ACYP2: variants seen among roughly 807,000 people sequenced by gnomAD.
The protein encoded by ACYP2 is acylphosphatase 2, also known as acylphosphatase-2.
In ACYP2, 12 loss-of-function variants were observed where a neutral mutation model predicts 11.2. That is an observed-to-expected ratio of 1.08 (90% confidence interval 0.69 to 1.74). ACYP2 has a LOEUF of 1.74. Ranked by LOEUF, ACYP2 falls within the 40% of genes most tolerant of loss-of-function variation. ACYP2 has a pLI of 0.00. For missense variants in ACYP2, 134 were observed against 101.9 expected, an observed-to-expected ratio of 1.31 and a Z score of -1.35; for synonymous variants, 43 against 32.2, an observed-to-expected ratio of 1.33 and a Z score of -1.13.
chr2:54,158,127 G>A (rs1011396740), intron 6 of ACYP2, among the ~76,000 whole-genome samples: 1 of 151,526 alleles, frequency 6.6e-6, no homozygotes, highest in African/African-American at 2.4e-5. Flanking sequence ...CCAGGTTCAA[G>A]CAATTCTCCT....
chr2:54,109,028 G>A (rs1250619280), intron 4 of ACYP2, among the ~76,000 whole-genome samples: 1 of 152,062 alleles, frequency 6.6e-6, no homozygotes, highest in Non-Finnish European at 1.5e-5. Flanking sequence ...GTTCAGATAT[G>A]CTTTAGTGCT....
chr2:54,194,707 G>A (rs577196100), intron 6 of ACYP2, among the ~76,000 whole-genome samples: 1 of 151,736 alleles, frequency 6.6e-6, no homozygotes, highest in Non-Finnish European at 1.5e-5. Context: ...ACTTTCTGTT[G>A]CTTTGTCATG....
At chr2:54,247,457 TCA>T (rs1192165293) in intron 6 of ACYP2, among the ~76,000 whole-genome samples, 1 of 152,180 alleles carries the variant, frequency 6.6e-6, no homozygotes, top group Non-Finnish European at 1.5e-5. Flanking sequence ...AAAATATACT[TCA>T]GTTTTTACAG....
At chr2:54,023,994 A>G (rs1239980749) in intron 2 of ACYP2, among the ~76,000 whole-genome samples, 2 of 152,208 alleles carry the variant, frequency 1.3e-5, no homozygotes, top group East Asian at 1.9e-4. Flanking sequence ...TAACAAAAAA[A>G]GAAAATACAG....
At chr2:54,256,222 A>G in intron 6 of ACYP2, 1 of 1,517,044 alleles carries the variant, frequency 6.6e-7, no homozygotes, top group Non-Finnish European at 8.9e-7. Context: ...TTCCTCACAC[A>G]AAATGGCGAG....
At chr2:54,272,960 A>G (rs1235960358) in intron 6 of ACYP2, among the ~76,000 whole-genome samples, 1 of 152,216 alleles carries the variant, frequency 6.6e-6, no homozygotes, top group Admixed American at 6.5e-5. Flanking sequence ...TTTTCACAAG[A>G]AGATGTTTAG....
intron 6 of ACYP2, among the ~76,000 whole-genome samples, chr2:54,293,359 C>T (rs1389356156): frequency 6.6e-6 from 1 of 152,244 alleles, no homozygotes. Flanking sequence ...CATCCCCTCA[C>T]TTGTTCTGCC....
chr2:54,194,185 G>A (rs1232967181), intron 6 of ACYP2, among the ~76,000 whole-genome samples: 1 of 152,100 alleles, frequency 6.6e-6, no homozygotes, highest in Admixed American at 6.5e-5. Context: ...TACCACAGGG[G>A]TGTGCCACCG....
At chr2:54,067,928 T>C (rs1244546759) in intron 4 of ACYP2, among the ~76,000 whole-genome samples, 1 of 152,238 alleles carries the variant, frequency 6.6e-6, no homozygotes, top group Non-Finnish European at 1.5e-5. Context: ...CATAAAATAT[T>C]TTTTAGCTCT....
At chr2:53,985,255 G>C (rs538762940) in intron 2 of ACYP2, among the ~76,000 whole-genome samples, 1 of 152,020 alleles carries the variant, frequency 6.6e-6, no homozygotes, top group East Asian at 1.9e-4. Flanking sequence ...ATTTTTAATA[G>C]AGACAGGGTT....
At chr2:54,186,764 T>C (rs555487475) in intron 6 of ACYP2, among the ~76,000 whole-genome samples, 22 of 152,278 alleles carry the variant, frequency 1.4e-4, no homozygotes, top group African/African-American at 5.1e-4. Context: ...TCCACCTGCC[T>C]CAGCCTCCCC....
rs144720168 is a variant in ACYP2 at position 54,211,771 on chromosome 2, T to C, written c.404+73023T>C. Among the ~76,000 whole-genome samples the C allele has an allele frequency of 5.5e-3, 844 of 152,358 alleles. 11 individuals carry two copies. Among genetic ancestry groups the C allele is most frequent in the African/African-American group, 0.019 (786 of 41,574 alleles). ...TGTCTACCATTTCTTTGTCTATGTATTGCATTACAGTGCAACTTTAAGGCT... is the reference window on the plus strand; with the variant it reads ...TGTCTACCATTTCTTTGTCTATGTACTGCATTACAGTGCAACTTTAAGGCT... On this transcript the variant is annotated intron_variant, in intron 6 of 6. Coordinates refer to ENST00000607452, the MANE Select transcript of ACYP2 (RefSeq NM_001320586.2).
At chr2:54,056,446 A>C (rs116208365) in intron 3 of ACYP2, among the ~76,000 whole-genome samples, 2,148 of 152,356 alleles carry the variant, frequency 0.014, 47 homozygotes, top group African/African-American at 0.047. Flanking sequence ...GTTTAACAGA[A>C]GCATAATACC....
chr2:54,219,803 GTGTGTGTTTGTGTA>G (rs1180075645), intron 6 of ACYP2, among the ~76,000 whole-genome samples: 2 of 138,628 alleles, frequency 1.4e-5, no homozygotes, highest in Non-Finnish European at 3.2e-5. Flanking sequence ...GTGTGTGTGT[GTGTGTGTTTGTGTA>G]TGTGTGTGTG....
At chr2:54,026,884 A>G (rs1374239189) in intron 2 of ACYP2, among the ~76,000 whole-genome samples, 1 of 151,632 alleles carries the variant, frequency 6.6e-6, no homozygotes, top group Non-Finnish European at 1.5e-5. Context: ...AGAATGATAC[A>G]ATGGACTTTA....
At chr2:54,251,465 A>T (rs1307619590) in intron 6 of ACYP2, among the ~76,000 whole-genome samples, 1 of 152,206 alleles carries the variant, frequency 6.6e-6, no homozygotes, top group East Asian at 1.9e-4. Flanking sequence ...TGTACAACTC[A>T]GTGAAGTTTC....
intron 6 of ACYP2, among the ~76,000 whole-genome samples, chr2:54,147,156 C>T (rs1040152423): frequency 2.0e-5 from 3 of 152,136 alleles, no homozygotes; most frequent in African/African-American, 7.2e-5. Context: ...TTCTTCTTTC[C>T]ATTTTTCTCC....
intron 6 of ACYP2, among the ~76,000 whole-genome samples, chr2:54,173,785 TTAAA>T (rs1480758882): frequency 6.6e-6 from 1 of 152,224 alleles, no homozygotes; most frequent in Admixed American, 6.5e-5. Flanking sequence ...GCACCATTTA[TTAAA>T]TAGAGAATCC....
intron 6 of ACYP2, among the ~76,000 whole-genome samples, chr2:54,172,319 A>G (rs1160321364): frequency 1.3e-5 from 2 of 152,234 alleles, no homozygotes. Flanking sequence ...GACAAAAGTC[A>G]TTACTTAAGG....
Sources: allele counts gnomAD v4.1 joint callset (sites outside exome capture counted in the v4.1 genomes callset), GRCh38; gene constraint gnomAD v4.1.1; transcripts MANE v1.5; gene names NCBI Gene and HGNC (gene_info 2026-07-23, HGNC 2026-07-21).